Variants in FGD1 observed in about 807,000 individuals in gnomAD.
FGD1 encodes FYVE, RhoGEF and PH domain containing 1, also known as FYVE, RhoGEF and PH domain-containing protein 1.
In FGD1, 12 loss-of-function variants were observed where a neutral mutation model predicts 65.0. The ratio of observed to expected loss-of-function variants is 0.18; its 90% CI spans 0.12 to 0.30. The LOEUF is 0.30. FGD1 is among the 10% of genes least tolerant of loss of function. The pLI is 1.00. For synonymous variants in FGD1, 333 were observed against 343.9 expected (o/e 0.97, Z 0.35); for missense variants, 542 against 837.6 (o/e 0.65, Z 4.36).
Position 54,446,023 on chromosome X carries a change from G to T in FGD1, c.*86C>A. 1.4e-6 allele frequency: 1 copy of T among 722,335 alleles called. No homozygotes were observed. Among genetic ancestry groups the T allele is most frequent in the South Asian group, 2.7e-5 (1 of 37,139 alleles). 59.5% of individuals were successfully genotyped at this position (722,335 alleles called of 1,213,427 possible). A position where few individuals can be genotyped will look rare whatever the true frequency, so the allele number is the denominator to read the frequency against. ...CGTGATGGGAGTTCAAGTATTGACTGAGCTGGGAGGGAAGGGGCTAGAGCC... is the reference window on the plus strand; with the variant it reads ...CGTGATGGGAGTTCAAGTATTGACTTAGCTGGGAGGGAAGGGGCTAGAGCC... On this transcript the variant is annotated 3_prime_UTR_variant, in exon 18 of 18. Coordinates refer to ENST00000375135, the MANE Select transcript of FGD1 (RefSeq NM_004463.3).
At chrX:54,495,016 G>C (rs925455908) in intron 1 of FGD1, 110 bp downstream of exon 1, 47 of 859,048 alleles carry the variant, frequency 5.5e-5, no homozygotes, top group Non-Finnish European at 5.8e-5. Flanking sequence ...AAAGGGCCGA[G>C]GTAAGCGAGC....
At position 54,470,630 on chromosome X, in the gene FGD1, G is replaced by A; in HGVS notation, c.612C>T (p.Ala204=). ...VAKGLAPRAE[A]SPSSAAVSSL... ...AGGATACTGCTGCAGAACTGGGGCTGGCCTCTGCCCTGGGAGCCAGGCCCT... is the reference window on the plus strand; with the variant it reads ...AGGATACTGCTGCAGAACTGGGGCTAGCCTCTGCCCTGGGAGCCAGGCCCT... Residue 204 remains alanine, a synonymous_variant, in exon 3 of 18, where the codon GCC becomes GCT. Coordinates refer to ENST00000375135, the MANE Select transcript of FGD1 (RefSeq NM_004463.3). The A allele has an allele frequency of 8.3e-7, 1 of 1,207,172 alleles. No individual in the cohort carries two copies. Among genetic ancestry groups the A allele is most frequent in the Non-Finnish European group, 1.1e-6 (1 of 893,567 alleles).
chrX:54,480,572 C>T (rs1923121435), intron 1 of FGD1, among the ~76,000 whole-genome samples: 1 of 111,123 alleles, frequency 9.0e-6, no homozygotes, highest in African/African-American at 3.3e-5. Flanking sequence ...CTCCCCTCCA[C>T]CCAGGTGTCA....
Position 54,470,441 on chromosome X carries a change from C to G in FGD1, c.676G>C (p.Ala226Pro). 1 of 1,205,552 alleles carries G rather than the reference C, an allele frequency of 8.3e-7. No individual in the cohort carries two copies. Among genetic ancestry groups the G allele is most frequent in the Non-Finnish European group, 1.1e-6 (1 of 894,550 alleles). Residue 226 changes from alanine (A) to proline (P), a missense_variant, in exon 4 of 18, where the codon GCC becomes CCC. Around this residue, in one of 6 missense-constraint regions of FGD1, gnomAD observed 297 missense variants for 326.8 expected, o/e 0.91. Transcript: ENST00000375135. The stretch of plus-strand genomic sequence containing the variant: ...GGGCCAGGGACTGGTCTATCCGAGG[C>G]GACAATCACAGGCTCTCTGAGGTGG... ...EKFEREPVIV[A>P]SDRPVPGPSP... is the part of the protein sequence containing the mutation.
At chrX:54,479,677 TG>T (rs1460170479) in intron 1 of FGD1, among the ~76,000 whole-genome samples, 1 of 88,423 alleles carries the variant, frequency 1.1e-5, no homozygotes, top group African/African-American at 4.4e-5. Context: ...TTCCTGGGGG[TG>T]GGGTGGGGAA....
intron 1 of FGD1, 103 bp downstream of exon 1, chrX:54,495,023 G>C: frequency 2.2e-6 from 2 of 907,383 alleles, no homozygotes; most frequent in South Asian, 2.1e-5. Context: ...CGAGGTAAGC[G>C]AGCCTGTTCC....
At chrX:54,472,421 T>G (rs1230035752) in intron 1 of FGD1, among the ~76,000 whole-genome samples, 1 of 111,415 alleles carries the variant, frequency 9.0e-6, no homozygotes, top group Non-Finnish European at 1.9e-5. Flanking sequence ...CATCCAGAGT[T>G]CAGGTCACAG....
intron 8 of FGD1, among the ~76,000 whole-genome samples, chrX:54,461,622 A>AAG: frequency 9.5e-6 from 1 of 105,433 alleles, no homozygotes; most frequent in Admixed American, 1.0e-4. Flanking sequence ...AAAAAAAAAA[A>AAG]AAAAGAAAAA....
At chrX:54,468,976 C>T in intron 4 of FGD1, 100 bp from the exon 5 acceptor site, 2 of 584,801 alleles carry the variant, frequency 3.4e-6, no homozygotes, top group Non-Finnish European at 5.8e-6. Context: ...CACTCTAAGC[C>T]TAATACCACC....
intron 1 of FGD1, among the ~76,000 whole-genome samples, chrX:54,471,994 C>G (rs1305834791): frequency 8.9e-6 from 1 of 112,178 alleles, no homozygotes; most frequent in Non-Finnish European, 1.9e-5. Context: ...ATCCCAACTT[C>G]TGGCTGGGCA....
intron 1 of FGD1, 139 bp from the exon 2 acceptor site, chrX:54,471,626 T>G: frequency 1.7e-6 from 1 of 596,809 alleles, no homozygotes; most frequent in South Asian, 3.1e-5. Flanking sequence ...CACAGTGTTT[T>G]TCTGGGAAGC....
At chrX:54,480,155 T>C (rs1423689307) in intron 1 of FGD1, among the ~76,000 whole-genome samples, 3 of 112,728 alleles carry the variant, frequency 2.7e-5, no homozygotes, top group African/African-American at 9.7e-5. Context: ...GAGTGTTCCA[T>C]CCTTCAAAAC....
chrX:54,464,136 T>TTC (rs2147431950), intron 8 of FGD1, among the ~76,000 whole-genome samples: 1 of 94,212 alleles, frequency 1.1e-5, no homozygotes, highest in Admixed American at 1.2e-4. Context: ...TCTTTTTTTT[T>TTC]TTTTTTTTTT....
At chrX:54,477,664 G>A (rs1923050008) in intron 1 of FGD1, among the ~76,000 whole-genome samples, 1 of 109,346 alleles carries the variant, frequency 9.1e-6, no homozygotes, top group Non-Finnish European at 1.9e-5. Flanking sequence ...CCCGACCTCA[G>A]GTGATCCACC....
chrX:54,472,076 G>C (rs931518082), intron 1 of FGD1, among the ~76,000 whole-genome samples: 1 of 110,730 alleles, frequency 9.0e-6, no homozygotes, highest in African/African-American at 3.3e-5. Context: ...TCAGGAATTT[G>C]AGATGAGTTT....
intron 1 of FGD1, among the ~76,000 whole-genome samples, chrX:54,484,374 T>C (rs529678028): frequency 9.0e-6 from 1 of 111,005 alleles, no homozygotes. Flanking sequence ...ATAGTGACTG[T>C]CTTGTTGCCT....
chrX:54,447,616 G>A (rs1455908604), intron 16 of FGD1, among the ~76,000 whole-genome samples, 162 bp from the exon 17 acceptor site: 1 of 112,738 alleles, frequency 8.9e-6, no homozygotes, highest in Admixed American at 9.4e-5. Context: ...CAGTGAATCA[G>A]CTAGAGCTGA....
rs375328916 is a variant in FGD1 at position 54,446,376 on chromosome X, G to A, written c.2619C>T (p.Phe873=). 1.4e-5 allele frequency: 17 copies of A among 1,209,196 alleles called. No individual in the cohort carries two copies. The highest frequency in any genetic ancestry group is 1.4e-4 in the African/African-American group (8 of 57,316). The change falls in exon 18 of 18, where the codon TTC becomes TTT. Residue 873 remains phenylalanine, a synonymous_variant. Transcript: ENST00000375135. ...KAQRSLPLIG[F]EVGPPEAGER... ...CCCCTGCCTCGGGCGGTCCCACCTCGAAGCCAATGAGGGGCAGGCTGCGCT... is the reference window on the plus strand; with the variant it reads ...CCCCTGCCTCGGGCGGTCCCACCTCAAAGCCAATGAGGGGCAGGCTGCGCT...
At chrX:54,455,370 C>T in intron 12 of FGD1, 78 bp downstream of exon 12, 2 of 794,231 alleles carry the variant, frequency 2.5e-6, no homozygotes, top group Non-Finnish European at 3.8e-6. Context: ...GGAACAATCT[C>T]TGGGCCTGGA....
Sources: gnomAD v4.1 joint callset for allele counts (sites outside exome capture counted in the v4.1 genomes callset) on GRCh38, gnomAD v4.1.1 for gene constraint, gnomAD v4.1.1 regional missense constraint, MANE v1.5 for transcripts, NCBI Gene and HGNC (gene_info 2026-07-23, HGNC 2026-07-21) for gene names.